Variants in SHQ1 observed in about 807,000 individuals in gnomAD.
The protein encoded by SHQ1 is SHQ1, H/ACA ribonucleoprotein assembly factor, also known as protein SHQ1 homolog.
SHQ1 carries 49 observed loss-of-function variants against 53.8 expected under a neutral mutation model. The ratio of observed to expected loss-of-function variants is 0.91; its 90% confidence interval spans 0.72 to 1.16. SHQ1 has a LOEUF of 1.16. Ranked by LOEUF, SHQ1 falls within the 50% of genes most tolerant of loss-of-function variation. The probability of loss-of-function intolerance (pLI) is 0.00; values close to 1 mark genes in which losing one functional copy is unlikely to be tolerated. For missense variants in SHQ1, 738 were observed against 683.1 expected (o/e 1.08, Z -0.90); for synonymous variants, 243 against 251.0 (o/e 0.97, Z 0.30).
At chr3:72,729,552 A>C in the SHQ1 span, among the ~76,000 whole-genome samples, 1 of 152,224 alleles carries the variant, frequency 6.6e-6, no homozygotes, top group African/African-American at 2.4e-5. Flanking sequence ...AAGATGCAAA[A>C]TTGAAATGAA....
At chr3:72,834,866 T>C (rs1707941015) in intron 4 of SHQ1, among the ~76,000 whole-genome samples, 1 of 152,126 alleles carries the variant, frequency 6.6e-6, no homozygotes, top group Non-Finnish European at 1.5e-5. Flanking sequence ...TAGGTATTAG[T>C]TTCCTCTTTG....
chr3:72,753,551 G>A (rs1055859929), intron 10 of SHQ1: 28 of 985,336 alleles, frequency 2.8e-5, no homozygotes, highest in East Asian at 1.1e-4. Context: ...AAGGGTGAGC[G>A]GGAGGCACAG....
At chr3:72,846,164 C>T (rs575016165) in intron 1 of SHQ1, 2 of 1,516,748 alleles carry the variant, frequency 1.3e-6, no homozygotes, top group Admixed American at 3.9e-5. Context: ...CCCCTAAACT[C>T]TATAAGCCTA....
chr3:72,797,875 C>A lies in SHQ1; in HGVS notation c.1061-4839G>T, dbSNP rs1017913122. The stretch of plus-strand genomic sequence containing the variant: ...TACAGCATCACAGCCAGGAGACTCA[C>A]CAAGCATGTGGCTGGGCTTTTTTTT... On this transcript the variant is annotated intron_variant, in intron 9 of 10. Coordinates refer to ENST00000325599, the MANE Select transcript of SHQ1 (RefSeq NM_018130.3). Among the ~76,000 whole-genome samples, 2 of 150,832 alleles carry A rather than the reference C, an allele frequency of 1.3e-5. 1 individual carries two copies. Among genetic ancestry groups the A allele is most frequent in the South Asian group, 4.2e-4 (2 of 4,810 alleles).
intron 10 of SHQ1, 104 bp downstream of exon 10, chr3:72,792,802 AAAAAAAAAAC>A (rs1233439706): frequency 5.8e-5 from 44 of 753,348 alleles, no homozygotes; most frequent in African/African-American, 3.4e-4. Context: ...AAAAAAAAAA[AAAAAAAAAAC>A]ACAACTTACT....
intron 4 of SHQ1, among the ~76,000 whole-genome samples, 190 bp downstream of exon 4, chr3:72,840,855 C>T (rs1205895922): frequency 2.0e-5 from 3 of 152,096 alleles, no homozygotes; most frequent in African/African-American, 4.8e-5. Flanking sequence ...AAGAGCAGTA[C>T]AGTTAGGCAG....
chr3:72,790,665 T>C (rs909982225), intron 10 of SHQ1, among the ~76,000 whole-genome samples: 2 of 152,110 alleles, frequency 1.3e-5, no homozygotes, highest in Non-Finnish European at 2.9e-5. Flanking sequence ...ATGTTGTGCT[T>C]GTAAAATTAA....
the SHQ1 span, among the ~76,000 whole-genome samples, chr3:72,737,253 G>C: frequency 6.6e-6 from 1 of 151,940 alleles, no homozygotes; most frequent in Non-Finnish European, 1.5e-5. Flanking sequence ...ACTCCAGCCT[G>C]GGCGACAAAG....
chr3:72,731,591 G>A, the SHQ1 span, among the ~76,000 whole-genome samples: 92 of 151,162 alleles, frequency 6.1e-4, 2 homozygotes, highest in African/African-American at 2.2e-3. Flanking sequence ...GGGAGGCTGA[G>A]GCAAGAGAAT....
chr3:72,792,617 C>T (rs1451029851), intron 10 of SHQ1, among the ~76,000 whole-genome samples: 1 of 151,902 alleles, frequency 6.6e-6, no homozygotes, highest in Non-Finnish European at 1.5e-5. Flanking sequence ...GAAACCCCGT[C>T]TCTACTAAAA....
chr3:72,785,788 C>G (rs1338197432), intron 10 of SHQ1, among the ~76,000 whole-genome samples: 1 of 152,178 alleles, frequency 6.6e-6, no homozygotes, highest in Admixed American at 6.5e-5. Context: ...TATTATTATA[C>G]TTATAGGTAA....
Position 72,765,542 on chromosome 3 carries a change from TA to T in SHQ1, c.1182-14707del, listed in dbSNP as rs1705703391. Among the ~76,000 whole-genome samples the T allele has an allele frequency of 9.4e-5, 9 of 96,032 alleles. 1 individual carries two copies. Among genetic ancestry groups the T allele is most frequent in the African/African-American group, 3.8e-4 (6 of 15,856 alleles). 63.0% of individuals were successfully genotyped at this position (96,032 alleles called of 152,430 possible). A position where few individuals can be genotyped will look rare whatever the true frequency, so the allele number is the denominator to read the frequency against. On this transcript the variant is annotated intron_variant, in intron 10 of 10. Transcript: ENST00000325599. ...CAGATTCACATGACATATATATATATATATATATATATATATTTTTTTTTTT... is the reference window on the plus strand; with the variant it reads ...CAGATTCACATGACATATATATATATTATATATATATATATTTTTTTTTTT...
At chr3:72,778,747 A>T (rs1049260346) in intron 10 of SHQ1, among the ~76,000 whole-genome samples, 3 of 152,246 alleles carry the variant, frequency 2.0e-5, no homozygotes, top group African/African-American at 7.2e-5. Context: ...AAAACTGGCC[A>T]TTATCCAGAA....
At position 72,848,213 on chromosome 3, in the gene SHQ1, TTGGCGTAGAACTTGAAGTC is replaced by T. The variant is rs1381066885; in HGVS notation, c.109_127del (p.Asp37SerfsTer7). The T allele has an allele frequency of 6.2e-7, 1 of 1,614,170 alleles. No individual in the cohort carries two copies. The highest frequency in any genetic ancestry group is 8.5e-7 in the Non-Finnish European group (1 of 1,180,030). On this transcript the variant is annotated frameshift_variant, in exon 1 of 11. Coordinates refer to ENST00000325599, the MANE Select transcript of SHQ1 (RefSeq NM_018130.3). LOFTEE classifies it high-confidence loss of function. Reference sequence around the variant, plus strand: ...CCGAACTCGCCTGAGAAAGTATGGCTTGGCGTAGAACTTGAAGTCAGACCCCTCGAAGTAGACGTCGAAC... The same window carrying T: ...CCGAACTCGCCTGAGAAAGTATGGCTAGACCCCTCGAAGTAGACGTCGAAC...
At chr3:72,792,887 A>C in intron 10 of SHQ1, 29 bp downstream of exon 10, 2 of 1,604,470 alleles carry the variant, frequency 1.2e-6, no homozygotes, top group Non-Finnish European at 1.7e-6. Context: ...AACATCTAAA[A>C]ATTCGTAAGT....
intron 9 of SHQ1, among the ~76,000 whole-genome samples, chr3:72,797,696 T>A (rs1443128801): frequency 2.0e-5 from 3 of 152,214 alleles, no homozygotes; most frequent in Non-Finnish European, 2.9e-5. Flanking sequence ...TCATAGTATG[T>A]GATGTGACAA....
chr3:72,752,315 A>G (rs183909293), intron 10 of SHQ1, among the ~76,000 whole-genome samples: 1 of 152,346 alleles, frequency 6.6e-6, no homozygotes, highest in Non-Finnish European at 1.5e-5. Flanking sequence ...AAAGTCACAG[A>G]AAACAGTAAC....
chr3:72,764,750 C>T (rs1425426509), intron 10 of SHQ1, among the ~76,000 whole-genome samples: 1 of 152,086 alleles, frequency 6.6e-6, no homozygotes, highest in Non-Finnish European at 1.5e-5. Context: ...AACAAGACTC[C>T]CAGGTAATAC....
chr3:72,835,031 T>C (rs1359259704), intron 4 of SHQ1, among the ~76,000 whole-genome samples: 1 of 151,880 alleles, frequency 6.6e-6, no homozygotes, highest in Non-Finnish European at 1.5e-5. Context: ...AGATTGTTTG[T>C]CCATACCATC....
Sources: gnomAD v4.1 joint callset for allele counts (sites outside exome capture counted in the v4.1 genomes callset) on GRCh38, gnomAD v4.1.1 for gene constraint, MANE v1.5 for transcripts, NCBI Gene and HGNC (gene_info 2026-07-23, HGNC 2026-07-21) for gene names.